The following DLG2 variants were observed in gnomAD, a reference collection of about 807,000 sequenced individuals.
DLG2 encodes the protein disks large homolog 2.
In DLG2, 45 loss-of-function variants were observed where a neutral mutation model predicts 132.5. The observed-to-expected ratio is 0.34, with a 90% confidence interval of 0.27 to 0.44. The LOEUF (loss-of-function observed/expected upper bound fraction) is 0.44. DLG2 is among the 20% of genes least tolerant of loss of function. DLG2 has a pLI of 1.00. For missense variants in DLG2, 1,045 were observed against 1,196.9 expected (o/e 0.87, Z 1.87); for synonymous variants, 424 against 419.6 (o/e 1.01, Z -0.13).
chr11:84,416,229 G>A (rs1485093469), intron 7 of DLG2, among the ~76,000 whole-genome samples: 1 of 152,088 alleles, frequency 6.6e-6, no homozygotes, highest in East Asian at 1.9e-4. Context: ...TTACTTCTGA[G>A]TAACTTAGAG....
chr11:84,506,079 C>CTGTTTTTTTTTTTT (rs2099238917), intron 7 of DLG2, among the ~76,000 whole-genome samples: 1 of 107,024 alleles, frequency 9.3e-6, no homozygotes, highest in Non-Finnish European at 1.8e-5. Context: ...AGGCTCAGTT[C>CTGTTTTTTTTTTTT]TTTTTTTTTT....
intron 8 of DLG2, among the ~76,000 whole-genome samples, chr11:84,167,670 ATT>A (rs56956119): frequency 0.058 from 8,644 of 148,094 alleles, 309 homozygotes; most frequent in African/African-American, 0.09. Context: ...AAAATGAATA[ATT>A]TTTTTTTTTT....
intron 17 of DLG2, among the ~76,000 whole-genome samples, chr11:83,795,704 C>CAT (rs753312770): frequency 6.6e-6 from 1 of 152,000 alleles, no homozygotes; most frequent in Non-Finnish European, 1.5e-5. Flanking sequence ...CCACTAGGGG[C>CAT]ATTTATTCCT....
chr11:84,664,472 G>T (rs1415808153), intron 6 of DLG2, among the ~76,000 whole-genome samples: 4 of 152,088 alleles, frequency 2.6e-5, no homozygotes, highest in African/African-American at 9.7e-5. Flanking sequence ...TGAAACAGGA[G>T]GTCAGGACAT....
At chr11:84,316,248 A>C (rs2098353651) in intron 7 of DLG2, among the ~76,000 whole-genome samples, 2 of 152,216 alleles carry the variant, frequency 1.3e-5, no homozygotes, top group African/African-American at 4.8e-5. Flanking sequence ...TAATTCTTTT[A>C]TTCTGAGTTT....
chr11:84,752,686 T>C (rs1397692165), intron 6 of DLG2, among the ~76,000 whole-genome samples: 1 of 147,228 alleles, frequency 6.8e-6, no homozygotes, highest in Non-Finnish European at 1.5e-5. Flanking sequence ...TCATCTAGCA[T>C]TAGGTATATC....
intron 11 of DLG2, among the ~76,000 whole-genome samples, chr11:84,006,638 T>G (rs1685413368): frequency 6.6e-6 from 1 of 151,592 alleles, no homozygotes; most frequent in Non-Finnish European, 1.5e-5. Context: ...ATATCACACG[T>G]ACCCCATAAA....
chr11:84,091,768 G>T (rs987262974), intron 10 of DLG2, among the ~76,000 whole-genome samples: 7 of 152,196 alleles, frequency 4.6e-5, no homozygotes, highest in Non-Finnish European at 8.8e-5. Context: ...TCACGAGGCT[G>T]CATGCACTGA....
rs767838603 is a variant in DLG2, at chr11:83,541,675, T to G, written c.2117+7A>C. On this transcript the variant is annotated splice_region_variant and intron_variant, in intron 20 of 27. Coordinates refer to ENST00000376104, the MANE Select transcript of DLG2 (RefSeq NM_001142699.3). ...AGCAAATATTCTAGTACAAAAGGCATTCTTACCTCCTTTTGCTGGGGATGA... is the reference window on the plus strand; with the variant it reads ...AGCAAATATTCTAGTACAAAAGGCAGTCTTACCTCCTTTTGCTGGGGATGA... 1.3e-6 allele frequency: 2 copies of G among 1,594,102 alleles called. No homozygotes were observed. Among genetic ancestry groups the G allele is most frequent in the Non-Finnish European group, 1.7e-6 (2 of 1,170,582 alleles).
At chr11:84,055,773 C>T (rs1387866246) in intron 11 of DLG2, among the ~76,000 whole-genome samples, 1 of 152,090 alleles carries the variant, frequency 6.6e-6, no homozygotes, top group African/African-American at 2.4e-5. Context: ...ATTCCTAGTA[C>T]TTTTCCCAAT....
intron 10 of DLG2, among the ~76,000 whole-genome samples, chr11:84,063,913 T>A (rs1281577987): frequency 1.5e-5 from 2 of 131,108 alleles, no homozygotes; most frequent in African/African-American, 3.0e-5. Context: ...AATTGAACAA[T>A]GAGAACACAT....
chr11:85,583,585 C>A (rs2078766517), intron 3 of DLG2, among the ~76,000 whole-genome samples: 1 of 152,100 alleles, frequency 6.6e-6, no homozygotes, highest in Non-Finnish European at 1.5e-5. Flanking sequence ...GCAGAGAGCA[C>A]TTTCTGATGT....
At chr11:84,445,364 C>G (rs1169751469) in intron 7 of DLG2, among the ~76,000 whole-genome samples, 1 of 152,098 alleles carries the variant, frequency 6.6e-6, no homozygotes, top group Non-Finnish European at 1.5e-5. Context: ...TTTCCCTGAA[C>G]TGAATGATAG....
At chr11:83,822,551 G>T (rs915522710) in intron 17 of DLG2, among the ~76,000 whole-genome samples, 1 of 152,150 alleles carries the variant, frequency 6.6e-6, no homozygotes, top group African/African-American at 2.4e-5. Flanking sequence ...CTACAACAGG[G>T]CAAGTCAAGC....
intron 6 of DLG2, among the ~76,000 whole-genome samples, chr11:84,972,366 A>C (rs2054224881): frequency 6.6e-6 from 1 of 152,230 alleles, no homozygotes; most frequent in South Asian, 2.1e-4. Context: ...ATTAAGTTAG[A>C]GATCAAGCAG....
chr11:85,252,404 C>T (rs2076441356), intron 4 of DLG2, among the ~76,000 whole-genome samples: 1 of 151,980 alleles, frequency 6.6e-6, no homozygotes, highest in Admixed American at 6.6e-5. Context: ...CTGGCTAACA[C>T]AGTGAAACTG....
intron 3 of DLG2, among the ~76,000 whole-genome samples, chr11:85,372,153 A>G (rs1004128904): frequency 6.6e-6 from 1 of 152,228 alleles, no homozygotes; most frequent in Non-Finnish European, 1.5e-5. Context: ...TAATATAAAA[A>G]TCTGGATCAA....
chr11:84,229,630 C>T (rs959326257), intron 8 of DLG2, among the ~76,000 whole-genome samples: 4 of 152,112 alleles, frequency 2.6e-5, no homozygotes, highest in Middle Eastern at 3.2e-3. Flanking sequence ...TACAAGCTCC[C>T]AAGTGATGCT....
intron 3 of DLG2, among the ~76,000 whole-genome samples, chr11:85,375,331 A>T (rs2085321459): frequency 6.6e-6 from 1 of 152,208 alleles, no homozygotes; most frequent in Non-Finnish European, 1.5e-5. Flanking sequence ...CACAGTTAAG[A>T]AGTGATGTGA....
Sources: gnomAD v4.1 joint callset for allele counts (sites outside exome capture counted in the v4.1 genomes callset) on GRCh38, gnomAD v4.1.1 for gene constraint, MANE v1.5 for transcripts, NCBI Gene and HGNC (gene_info 2026-07-23, HGNC 2026-07-21) for gene names.